The following TNXB variants were observed in gnomAD, a reference collection of about 807,000 sequenced individuals.
TNXB encodes the protein tenascin-X.
TNXB carries 183 observed loss-of-function variants against 340.5 expected under a neutral mutation model. The observed-to-expected ratio is 0.54, with a 90% CI of 0.48 to 0.61. The LOEUF (loss-of-function observed/expected upper bound fraction) is 0.61. Ranked by LOEUF, TNXB falls within the 20% of genes least tolerant of loss-of-function variation. TNXB has a pLI of 0.00. For missense variants in TNXB, 4,613 were observed against 5,446.4 expected (o/e 0.85, Z 4.82); for synonymous variants, 2,121 against 2,314.5 (o/e 0.92, Z 2.40).
chr6:32,052,750 G>C lies in TNXB; in HGVS notation c.9035C>G (p.Pro3012Arg). Residue 3012 changes from proline (P) to arginine (R), a missense_variant, in exon 26 of 44, where the codon CCC becomes CGC. Physicochemically the swap from Pro to Arg is moderately radical, Grantham distance 103. Coordinates refer to ENST00000644971, the MANE Select transcript of TNXB (RefSeq NM_001365276.2). This position sits in a 1 kb window ranked among gnomAD's most constrained non-coding sequence, Gnocchi z 4.7. ...CAGGTGCATCTTGTATTTGCACCCG[G>C]GCTCCAGGCCCCCCACGGTGACCTC... ...ESEVTVGGLEPGCKYKMHLYG... is the reference protein window; with the variant it reads ...ESEVTVGGLERGCKYKMHLYG... 1 of 1,613,846 alleles carries C rather than the reference G, an allele frequency of 6.2e-7. No individual in the cohort carries two copies. The highest frequency in any genetic ancestry group is 8.5e-7 in the Non-Finnish European group (1 of 1,179,882).
rs925078263 is a variant in TNXB, at chr6:32,087,249, AC to A, written c.2780-1132del. On this transcript the variant is annotated intron_variant, in intron 6 of 43. Coordinates refer to ENST00000644971, the MANE Select transcript of TNXB (RefSeq NM_001365276.2). This position sits in a 1 kb window ranked among gnomAD's most constrained non-coding sequence, Gnocchi z 9.0. ...GTGTCCCGTGGCCCCAGCCCACACT[AC>A]CTGTGGTGGTGATGAAGGCGTAGGA... The A allele has an allele frequency of 4.0e-6, 2 of 503,298 alleles. No homozygotes were observed. The highest frequency in any genetic ancestry group is 7.9e-6 in the Non-Finnish European group (2 of 253,090). The allele number at this position is 503,298 out of a possible 1,614,324, so 31.2% of individuals were successfully genotyped here. A position where few individuals can be genotyped will look rare whatever the true frequency, so the allele number is the denominator to read the frequency against.
intron 11 of TNXB, among the ~76,000 whole-genome samples, chr6:32,077,563 G>C (rs1294557139): frequency 6.6e-6 from 1 of 152,254 alleles, no homozygotes; most frequent in African/African-American, 2.4e-5. Context: ...GTCAGCCCGA[G>C]GGTCCCAGAG....
chr6:32,073,826 A>C lies in TNXB; in HGVS notation c.4502T>G (p.Phe1501Cys). The C allele has an allele frequency of 6.2e-7, 1 of 1,612,854 alleles. No homozygotes were observed. Among genetic ancestry groups the C allele is most frequent in the South Asian group, 1.1e-5 (1 of 90,882 alleles). The change falls in exon 12 of 44, where the codon TTT becomes TGT. Residue 1501 changes from phenylalanine to cysteine, a missense_variant. Coordinates refer to ENST00000644971, the MANE Select transcript of TNXB (RefSeq NM_001365276.2). The surrounding 1 kb of genome is among the most constrained non-coding windows in gnomAD (Gnocchi z 4.6). ...GLSWTVPEGQ[F>C]DSFIVQYKDK... ...CTTGTACTGGACTATGAAGGAGTCA[A>C]ACTGGCCCTCGGGGACTGTCCAGGA...
chr6:32,097,749 C>A lies in TNXB; in HGVS notation c.403+47G>T. 1 of 1,488,680 alleles carries A rather than the reference C, an allele frequency of 6.7e-7. No homozygotes were observed. The highest frequency in any genetic ancestry group is 8.9e-7 in the Non-Finnish European group (1 of 1,118,772). 92.2% of individuals were successfully genotyped at this position (1,488,680 alleles called of 1,614,324 possible). A position where few individuals can be genotyped will look rare whatever the true frequency, so the allele number is the denominator to read the frequency against. On this transcript the variant is annotated intron_variant, in intron 2 of 43. Coordinates refer to ENST00000644971, the MANE Select transcript of TNXB (RefSeq NM_001365276.2). The surrounding 1 kb of genome is among the most constrained non-coding windows in gnomAD (Gnocchi z 5.9). The stretch of plus-strand genomic sequence containing the variant: ...CAAGGACCTTTATGGACTAGCAATG[C>A]CCACCCCACCCCACCTCTCCACCCT...
Position 32,061,565 on chromosome 6 carries a change from T to A in TNXB, c.7324A>T (p.Thr2442Ser). 1 of 1,613,332 alleles carries A rather than the reference T, an allele frequency of 6.2e-7. No individual in the cohort carries two copies. Among genetic ancestry groups the A allele is most frequent in the Non-Finnish European group, 8.5e-7 (1 of 1,179,854 alleles). Reference sequence around the variant, plus strand: ...CCGTCCCTGTCCTTGTACTGCACGGTGAAGGAGTCGAAGCGGCCCTGGGGG... The same window carrying A: ...CCGTCCCTGTCCTTGTACTGCACGGAGAAGGAGTCGAAGCGGCCCTGGGGG... ...TVPQGRFDSFTVQYKDRDGRP... is the reference protein window; with the variant it reads ...TVPQGRFDSFSVQYKDRDGRP... Residue 2442 changes from threonine (T) to serine (S), a missense_variant, in exon 21 of 44, where the codon ACC becomes TCC. Transcript: ENST00000644971. The surrounding 1 kb of genome is among the most constrained non-coding windows in gnomAD (Gnocchi z 4.4).
chr6:32,058,298 T>A lies in TNXB; in HGVS notation c.7585A>T (p.Thr2529Ser). The A allele has an allele frequency of 6.2e-7, 1 of 1,611,954 alleles. No individual in the cohort carries two copies. Among genetic ancestry groups the A allele is most frequent in the Non-Finnish European group, 8.5e-7 (1 of 1,179,556 alleles). The change falls in exon 22 of 44, where the codon ACA becomes TCA. Residue 2529 changes from threonine to serine, a missense_variant. Around this residue, in one of 7 missense-constraint regions of TNXB, gnomAD observed 4,327 missense variants for 4,859.4 expected, o/e 0.89. Coordinates refer to ENST00000644971, the MANE Select transcript of TNXB (RefSeq NM_001365276.2). This position sits in a 1 kb window ranked among gnomAD's most constrained non-coding sequence, Gnocchi z 5.1. ...GAGTCAGGGGAGGATCCTGTCACTG[T>A]CAGCTCCCCCAGGAGAGGCTCCTCG... is the stretch of plus-strand genomic sequence containing the variant. ...PPEEPLLGEL[T>S]VTGSSPDSLS...
In TNXB at chr6:32,085,916, G is replaced by A; in HGVS notation, c.2982C>T (p.Arg994=). The A allele has an allele frequency of 3.7e-6, 6 of 1,608,644 alleles. No homozygotes were observed. Among genetic ancestry groups the A allele is most frequent in the Non-Finnish European group, 5.1e-6 (6 of 1,178,812 alleles). ...CCCCCGGCCCCTCGGGCACCCGCATGCGCAGTTGGAAGTAGGCAAAGGTGT... is the reference window on the plus strand; with the variant it reads ...CCCCCGGCCCCTCGGGCACCCGCATACGCAGTTGGAAGTAGGCAAAGGTGT... ...QPDTFAYFQL[R]MRVPEGPGAH... is the part of the protein sequence containing the mutation. The change falls in exon 7 of 44, where the codon CGC becomes CGT. Residue 994 remains arginine, a synonymous_variant. Coordinates refer to ENST00000644971, the MANE Select transcript of TNXB (RefSeq NM_001365276.2). This position sits in a 1 kb window ranked among gnomAD's most constrained non-coding sequence, Gnocchi z 6.4.
At position 32,079,198 on chromosome 6, in the gene TNXB, C is replaced by T. The variant is rs766110850; in HGVS notation, c.4210G>A (p.Val1404Met). The T allele has an allele frequency of 1.4e-5, 22 of 1,613,746 alleles. No individual in the cohort carries two copies. Among genetic ancestry groups the T allele is most frequent in the Admixed American group, 5.0e-5 (3 of 59,998 alleles). ...CGCCCATCCCTGTCCTTGTACTGCA[C>T]GGTGAAAGAGTCGAAGCTGCCCTGG... is the stretch of plus-strand genomic sequence containing the variant. ...VPQGSFDSFT[V>M]QYKDRDGRPR... Residue 1404 changes from valine to methionine, a missense_variant, in exon 11 of 44, where the codon GTG (valine) becomes ATG (methionine). Transcript: ENST00000644971. The surrounding 1 kb of genome is among the most constrained non-coding windows in gnomAD (Gnocchi z 7.1).
In TNXB at chr6:32,079,045, C is replaced by T. The variant is rs572455281; in HGVS notation, c.4363G>A (p.Val1455Met). The T allele has an allele frequency of 1.7e-5, 27 of 1,611,956 alleles. No homozygotes were observed. Among genetic ancestry groups the T allele is most frequent in the African/African-American group, 5.3e-5 (4 of 75,012 alleles). ...EGQRVGPVSAVGVTAPQQEET... is the reference protein window; with the variant it reads ...EGQRVGPVSAMGVTAPQQEET... ...GCCCCTCACTCACCTGTCACGCCCA[C>T]GGCGGACACCGGGCCCACGCGCTGC... Residue 1455 changes from valine to methionine, a missense_variant, in exon 11 of 44, where the codon GTG (valine) becomes ATG (methionine). Around this residue, in one of 7 missense-constraint regions of TNXB, gnomAD observed 4,327 missense variants for 4,859.4 expected, o/e 0.89. Coordinates refer to ENST00000644971, the MANE Select transcript of TNXB (RefSeq NM_001365276.2). The surrounding 1 kb of genome is among the most constrained non-coding windows in gnomAD (Gnocchi z 7.1).
At position 32,073,680 on chromosome 6, in the gene TNXB, G is replaced by A. The variant is rs865873272; in HGVS notation, c.4648C>T (p.Arg1550Cys). 16 of 1,609,360 alleles carry A rather than the reference G, an allele frequency of 9.9e-6. No individual in the cohort carries two copies. In the Middle Eastern group the frequency reaches 6.6e-4, roughly 66 times the overall value. ...ATGACCACAGACAGGGGGCCCATGC[G>A]TTGCCCATCATGTAGTCCATACATG... ...MNMYGLHDGQ[R>C]MGPLSVVIVT... Residue 1550 changes from arginine (R) to cysteine (C), a missense_variant, in exon 12 of 44, where the codon CGC becomes TGC. By Grantham distance (180) the Arg-to-Cys change is radical. Around this residue, in one of 7 missense-constraint regions of TNXB, gnomAD observed 4,327 missense variants for 4,859.4 expected, o/e 0.89. Coordinates refer to ENST00000644971, the MANE Select transcript of TNXB (RefSeq NM_001365276.2). The surrounding 1 kb of genome is among the most constrained non-coding windows in gnomAD (Gnocchi z 4.6).
rs929777671 is a variant in TNXB, at chr6:32,064,369, C to T, written c.6841+452G>A. ...CTGGGACTACAGGCATGTGCCACCA[C>T]ACCCAGCTAATTTTTGTATTTTTAG... On this transcript the variant is annotated intron_variant, in intron 19 of 43. Coordinates refer to ENST00000644971, the MANE Select transcript of TNXB (RefSeq NM_001365276.2). This position sits in a 1 kb window ranked among gnomAD's most constrained non-coding sequence, Gnocchi z 5.3. Among the ~76,000 whole-genome samples, 5 of 152,174 alleles carry T rather than the reference C, an allele frequency of 3.3e-5. No individual in the cohort carries two copies. Among genetic ancestry groups the T allele is most frequent in the Non-Finnish European group, 5.9e-5 (4 of 68,044 alleles).
At position 32,061,619 on chromosome 6, in the gene TNXB, G is replaced by A; in HGVS notation, c.7270C>T (p.Pro2424Ser). Reference sequence around the variant, plus strand: ...GTCCAGGAGAGGCTCAGCGAGTCAGGGGAGGATCCTGTCACTGTTAGCTCC... The same window carrying A: ...GTCCAGGAGAGGCTCAGCGAGTCAGAGGAGGATCCTGTCACTGTTAGCTCC... ...LGELTVTGSSPDSLSLSWTVP... is the reference protein window; with the variant it reads ...LGELTVTGSSSDSLSLSWTVP... The change falls in exon 21 of 44, where the codon CCT becomes TCT. Residue 2424 changes from proline (P) to serine (S), a missense_variant. Transcript: ENST00000644971. This position sits in a 1 kb window ranked among gnomAD's most constrained non-coding sequence, Gnocchi z 4.4. 1.2e-6 allele frequency: 2 copies of A among 1,612,956 alleles called. No individual in the cohort carries two copies. The highest frequency in any genetic ancestry group is 1.1e-5 in the South Asian group (1 of 91,082).
At chr6:32,078,123 GAAAGAAAGAAAA>G (rs759570872) in intron 11 of TNXB, among the ~76,000 whole-genome samples, 22 of 142,740 alleles carry the variant, frequency 1.5e-4, no homozygotes, top group Admixed American at 5.0e-4. Context: ...AAGAAAGAAA[GAAAGAAAGAAAA>G]AGAGAGAAAG....
chr6:32,095,273 C>G, intron 3 of TNXB, 82 bp from the exon 4 acceptor site: 1 of 1,061,878 alleles, frequency 9.4e-7, no homozygotes, highest in South Asian at 1.4e-5. Flanking sequence ...TCAGGGACAT[C>G]GAAGAGGCCC....
In TNXB at chr6:32,064,934, T is replaced by A. The variant is rs1778245416; in HGVS notation, c.6728A>T (p.His2243Leu). 1.2e-6 allele frequency: 2 copies of A among 1,612,866 alleles called. No homozygotes were observed. The highest frequency in any genetic ancestry group is 1.7e-6 in the Non-Finnish European group (2 of 1,179,880). The change falls in exon 19 of 44, where the codon CAC (histidine) becomes CTC (leucine). Residue 2243 changes from histidine to leucine, a missense_variant. Coordinates refer to ENST00000644971, the MANE Select transcript of TNXB (RefSeq NM_001365276.2). The surrounding 1 kb of genome is among the most constrained non-coding windows in gnomAD (Gnocchi z 5.3). ...GCCCGAGATGGTGACCCCATCCTCG[T>A]GTCCCGGCACCCGCACCGCCTTGGG... is the stretch of plus-strand genomic sequence containing the variant. ...GQPKAVRVPG[H>L]EDGVTISGLE...
Position 32,042,732 on chromosome 6 carries a change from G to C in TNXB, c.12025C>G (p.Leu4009Val), listed in dbSNP as rs1351607074. 4.3e-6 allele frequency: 4 copies of C among 930,644 alleles called. No homozygotes were observed. Among genetic ancestry groups the C allele is most frequent in the Non-Finnish European group, 6.5e-6 (4 of 617,980 alleles). The allele number at this position is 930,644 out of a possible 1,614,324, so 57.6% of individuals were successfully genotyped here. Reference sequence around the variant, plus strand: ...AAAGAGGTGGACACGGGCGGCAGGAGGCTCTGGCCCCACATGGCCTGGAGC... The same window carrying C: ...AAAGAGGTGGACACGGGCGGCAGGACGCTCTGGCCCCACATGGCCTGGAGC... Reference protein sequence around the residue: ...ARLQAMWGQSLLPPVSTSFTT... With the variant: ...ARLQAMWGQSVLPPVSTSFTT... Residue 4009 changes from leucine (L) to valine (V), a missense_variant, in exon 39 of 44, where the codon CTC becomes GTC. Coordinates refer to ENST00000644971, the MANE Select transcript of TNXB (RefSeq NM_001365276.2).
rs772821828 is a variant in TNXB, at chr6:32,084,008, G to A, written c.3445+405C>T. 4.6e-5 allele frequency among the ~76,000 whole-genome samples: 7 copies of A among 152,058 alleles called. No homozygotes were observed. The highest frequency in any genetic ancestry group is 2.1e-4 in the South Asian group (1 of 4,822). On this transcript the variant is annotated intron_variant, in intron 8 of 43. Coordinates refer to ENST00000644971, the MANE Select transcript of TNXB (RefSeq NM_001365276.2). The surrounding 1 kb of genome is among the most constrained non-coding windows in gnomAD (Gnocchi z 5.5). ...CTCCAGCTAGTCTCAGCAGCCACCC[G>A]GTTATTTGCAAGATAAATATCTAGT...
intron 3 of TNXB, 38 bp downstream of exon 3, chr6:32,095,571 TCA>T (rs773567505): frequency 6.3e-7 from 1 of 1,579,012 alleles, no homozygotes; most frequent in Admixed American, 1.7e-5. Flanking sequence ...GTTCACAGAA[TCA>T]CAGTCCCAGA....
rs900085302 is a variant in TNXB at position 32,074,733 on chromosome 6, T to C, written c.4376-781A>G. 1.2e-4 allele frequency among the ~76,000 whole-genome samples: 18 copies of C among 152,098 alleles called. No individual in the cohort carries two copies. The highest frequency in any genetic ancestry group is 1.2e-3 in the Admixed American group (18 of 15,276). The stretch of plus-strand genomic sequence containing the variant: ...TTCGCTGTTGTTGCTCAGGCTGGTG[T>C]GCGATGGCGCCCTCTCGGCTCACCG... On this transcript the variant is annotated intron_variant, in intron 11 of 43. Transcript: ENST00000644971. This position sits in a 1 kb window ranked among gnomAD's most constrained non-coding sequence, Gnocchi z 5.5.
Sources: gnomAD v4.1 joint callset for allele counts (sites outside exome capture counted in the v4.1 genomes callset) on GRCh38, gnomAD v4.1.1 for gene constraint, gnomAD v4.1.1 regional missense constraint, Gnocchi (gnomAD v3.1) non-coding constraint, MANE v1.5 for transcripts, NCBI Gene and HGNC (gene_info 2026-07-23, HGNC 2026-07-21) for gene names.